Variants in EIF2B5 observed in about 807,000 individuals in gnomAD.
EIF2B5 encodes translation initiation factor eIF2B subunit epsilon.
EIF2B5 carries 38 observed loss-of-function variants against 87.3 expected under a neutral mutation model. The ratio of observed to expected loss-of-function variants is 0.44; its 90% CI spans 0.34 to 0.57. The LOEUF is 0.57. Among genes scored for constraint, EIF2B5 ranks in the 20% least tolerant of loss-of-function variants. The probability of loss-of-function intolerance (pLI) is 0.02; values close to 1 mark genes in which losing one functional copy is unlikely to be tolerated. For missense variants in EIF2B5, 784 were observed against 909.5 expected, an observed-to-expected ratio of 0.86 and a Z score of 1.78; for synonymous variants, 313 against 339.6, an observed-to-expected ratio of 0.92 and a Z score of 0.86.
intron 1 of EIF2B5, chr3:184,135,947 G>A (rs1224806579): frequency 6.4e-6 from 2 of 312,982 alleles, no homozygotes; most frequent in Non-Finnish European, 1.2e-5. Flanking sequence ...GCCTCTGAAA[G>A]GGCGGTAATA....
At chr3:184,137,544 G>A in intron 2 of EIF2B5, 76 bp from the exon 3 acceptor site, 1 of 1,475,696 alleles carries the variant, frequency 6.8e-7, no homozygotes, top group Admixed American at 1.7e-5. Context: ...AGTGCTGAAA[G>A]GGGGTGAAAA....
chr3:184,144,822 C>T lies in EIF2B5; in HGVS notation c.2107-62C>T, dbSNP rs547742087. 2.6e-5 allele frequency: 41 copies of T among 1,594,796 alleles called. No individual in the cohort carries two copies. In the East Asian group the frequency reaches 3.6e-4, roughly 14 times the overall value. ...CTGGTTGTTAGAGCTGTTTATCTGC[C>T]GAGGGGAGCAGGAGAGTTATGTGCA... is the stretch of plus-strand genomic sequence containing the variant. On this transcript the variant is annotated intron_variant, in intron 15 of 15. Coordinates refer to ENST00000648915, the MANE Select transcript of EIF2B5 (RefSeq NM_003907.3).
chr3:184,144,516 A>G lies in EIF2B5; in HGVS notation c.1996-81A>G, dbSNP rs372880519. ...CGTTTTGGAGGAGGCTACTCAGTGC[A>G]TAGAGGGATCTGAGGGCCTGGTAGA... On this transcript the variant is annotated intron_variant, in intron 14 of 15. Coordinates refer to ENST00000648915, the MANE Select transcript of EIF2B5 (RefSeq NM_003907.3). The G allele has an allele frequency of 3.9e-6, 5 of 1,293,408 alleles. No homozygotes were observed. The Admixed American group carries it at 5.3e-5, about 14-fold the overall frequency. The allele number at this position is 1,293,408 out of a possible 1,614,324, so 80.1% of individuals were successfully genotyped here.
rs778461583 is a variant in EIF2B5 at position 184,141,916 on chromosome 3, C to G, written c.1157-9C>G. 3 of 1,614,018 alleles carry G rather than the reference C, an allele frequency of 1.9e-6. No homozygotes were observed. In the South Asian group the frequency reaches 3.3e-5, roughly 18 times the overall value. ...TGAGTTACCCAGAGGTCTTCCCATC[C>G]TGAGCCAGGTGATAACGTGGTGCTG... On this transcript the variant is annotated splice_polypyrimidine_tract_variant and intron_variant, in intron 7 of 15. Transcript: ENST00000648915.
chr3:184,143,466 G>A lies in EIF2B5; in HGVS notation c.1770G>A (p.Lys590=). Residue 590 remains lysine (K), a synonymous_variant, in exon 13 of 16, where the codon AAG becomes AAA. Transcript: ENST00000648915. ...SLKYAYNISL[K]EVMQVLSHVV... ...GGTATGCCTATAACATAAGTCTAAA[G>A]GAGGTGATGCAGGTACTGAGCCACG... 1.2e-6 allele frequency: 2 copies of A among 1,614,188 alleles called. No homozygotes were observed. Among genetic ancestry groups the A allele is most frequent in the Non-Finnish European group, 1.7e-6 (2 of 1,180,028 alleles).
chr3:184,137,936 C>T lies in EIF2B5; in HGVS notation c.545C>T (p.Thr182Met), dbSNP rs113994053. The T allele has an allele frequency of 1.5e-5, 25 of 1,614,040 alleles. No homozygotes were observed. The highest frequency in any genetic ancestry group is 8.9e-5 in the East Asian group (4 of 44,892). The change falls in exon 4 of 16, where the codon ACG becomes ATG. Residue 182 changes from threonine (T) to methionine (M), a missense_variant. Transcript: ENST00000648915. ...CTAGAAAAAAATGTTTCTGTGATGA[C>T]GATGATCTTCAAGGAGTCATCCCCC... ...RKLEKNVSVM[T>M]MIFKESSPSH...
In EIF2B5 at chr3:184,144,964, T is replaced by C; in HGVS notation, c.*21T>C. ...ACTGAAGTCACACTGCCTGCTCCTTTGGGTGTGATTGAGTGCCCTCCTGGC... is the reference window on the plus strand; with the variant it reads ...ACTGAAGTCACACTGCCTGCTCCTTCGGGTGTGATTGAGTGCCCTCCTGGC... On this transcript the variant is annotated 3_prime_UTR_variant, in exon 16 of 16. Coordinates refer to ENST00000648915, the MANE Select transcript of EIF2B5 (RefSeq NM_003907.3). 1 of 1,612,196 alleles carries C rather than the reference T, an allele frequency of 6.2e-7. No homozygotes were observed. Among genetic ancestry groups the C allele is most frequent in the East Asian group, 2.2e-5 (1 of 44,880 alleles).
rs138049080 is a variant in EIF2B5 at position 184,144,929 on chromosome 3, T to C, written c.2152T>C (p.Ser718Pro). 8 of 1,613,538 alleles carry C rather than the reference T, an allele frequency of 5.0e-6. No individual in the cohort carries two copies. The African/African-American group carries it at 1.1e-4, about 22-fold the overall frequency. Residue 718 changes from serine (S) to proline (P), a missense_variant, in exon 16 of 16, where the codon TCT (serine) becomes CCT (proline). Coordinates refer to ENST00000648915, the MANE Select transcript of EIF2B5 (RefSeq NM_003907.3). ...GCTAAAAGAGGCAGAAGAGGAGTCA[T>C]CTGAAGATGACTGAAGTCACACTGC... ...QWLKEAEEES[S>P]EDD
At chr3:184,143,408 T>C in intron 12 of EIF2B5, 34 bp from the exon 13 acceptor site, 11 of 1,614,116 alleles carry the variant, frequency 6.8e-6, no homozygotes, top group Non-Finnish European at 9.3e-6. Flanking sequence ...GAAAGGCCAG[T>C]GAAGGCCCTG....
intron 5 of EIF2B5, among the ~76,000 whole-genome samples, chr3:184,138,686 G>T (rs1316033495): frequency 6.8e-6 from 1 of 147,970 alleles, no homozygotes; most frequent in Admixed American, 6.8e-5. Context: ...TATATTTTTT[G>T]AGACAGGGTC....
In EIF2B5 at chr3:184,143,784, G is replaced by A. The variant is rs925204962; in HGVS notation, c.1869+219G>A. ...ACTCCAGGATTTCATACCATCCTAGGCCCACAAAGGTATATTCAGAATGGA... is the reference window on the plus strand; with the variant it reads ...ACTCCAGGATTTCATACCATCCTAGACCCACAAAGGTATATTCAGAATGGA... On this transcript the variant is annotated intron_variant, in intron 13 of 15. Transcript: ENST00000648915. 5 of 705,710 alleles carry A rather than the reference G, an allele frequency of 7.1e-6. No homozygotes were observed. In the Admixed American group the frequency reaches 1.2e-4, roughly 17 times the overall value. 43.7% of individuals were successfully genotyped at this position (705,710 alleles called of 1,614,324 possible).
At chr3:184,137,194 G>A (rs1423050066) in intron 2 of EIF2B5, 1 of 337,880 alleles carries the variant, frequency 3.0e-6, no homozygotes, top group Non-Finnish European at 5.6e-6. Flanking sequence ...TGAAAACTAG[G>A]GAATCGCATT....
chr3:184,139,935 A>G (rs1423397943), intron 5 of EIF2B5, 145 bp from the exon 6 acceptor site: 1 of 599,956 alleles, frequency 1.7e-6, no homozygotes, highest in Admixed American at 2.6e-5. Flanking sequence ...AGGCACAAGA[A>G]TCACTTTAAC....
intron 5 of EIF2B5, 109 bp from the exon 6 acceptor site, chr3:184,139,971 C>T (rs1316237700): frequency 1.1e-5 from 9 of 814,820 alleles, no homozygotes; most frequent in Middle Eastern, 3.8e-4. Flanking sequence ...TGCAGTGAGC[C>T]GAGATCATGC....
chr3:184,136,488 T>A, intron 1 of EIF2B5, 124 bp from the exon 2 acceptor site: 1 of 1,318,544 alleles, frequency 7.6e-7, no homozygotes, highest in East Asian at 2.3e-5. Context: ...TGTTTATCTT[T>A]GAATTGGAAA....
At chr3:184,136,785 T>G (rs1275882125) in intron 2 of EIF2B5, 49 bp downstream of exon 2, 2 of 1,613,612 alleles carry the variant, frequency 1.2e-6, no homozygotes, top group South Asian at 1.1e-5. Flanking sequence ...TTTTTCCAGT[T>G]TTTTCAGGAT....
Position 184,135,368 on chromosome 3 carries a change from T to C in EIF2B5, c.-18T>C, listed in dbSNP as rs1458014459. On this transcript the variant is annotated 5_prime_UTR_variant, in exon 1 of 16. Transcript: ENST00000648915. Reference sequence around the variant, plus strand: ...GGTGGCAGCTTCCTTGCGGAAGTGGTGACCGTGAGAGAAGAAGATGGCGGC... The same window carrying C: ...GGTGGCAGCTTCCTTGCGGAAGTGGCGACCGTGAGAGAAGAAGATGGCGGC... The C allele has an allele frequency of 6.4e-7, 1 of 1,570,230 alleles. No individual in the cohort carries two copies. Among genetic ancestry groups the C allele is most frequent in the African/African-American group, 1.3e-5 (1 of 74,732 alleles).
rs943767745 is a variant in EIF2B5 at position 184,142,077 on chromosome 3, C to G, written c.1302+7C>G. On this transcript the variant is annotated splice_region_variant and intron_variant, in intron 8 of 15. Transcript: ENST00000648915. This position sits in a 1 kb window ranked among gnomAD's most constrained non-coding sequence, Gnocchi z 5.0. ...CTCTGTCCTCACTTCCCAGGTGAGA[C>G]CTGATCTATACTGTGCACAGGCCCT... The G allele has an allele frequency of 6.2e-7, 1 of 1,614,010 alleles. No homozygotes were observed. Among genetic ancestry groups the G allele is most frequent in the Non-Finnish European group, 8.5e-7 (1 of 1,180,046 alleles).
Position 184,136,426 on chromosome 3 carries a change from A to C in EIF2B5, c.196-186A>C, listed in dbSNP as rs56722952. On this transcript the variant is annotated intron_variant, in intron 1 of 15. Coordinates refer to ENST00000648915, the MANE Select transcript of EIF2B5 (RefSeq NM_003907.3). ...TCTGTACTTACCATCCCCAAATTGC[A>C]ATGTCTCAGACTCAGGCTTAGAGCA... Among the ~76,000 whole-genome samples the C allele has an allele frequency of 2.2e-3, 341 of 152,356 alleles. 1 individual carries two copies. The highest frequency in any genetic ancestry group is 0.01 in the Middle Eastern group (3 of 294).
Sources: gnomAD v4.1 joint callset for allele counts (sites outside exome capture counted in the v4.1 genomes callset) on GRCh38, gnomAD v4.1.1 for gene constraint, Gnocchi (gnomAD v3.1) non-coding constraint, MANE v1.5 for transcripts, NCBI Gene and HGNC (gene_info 2026-07-23, HGNC 2026-07-21) for gene names.